Variants in PARG observed in about 807,000 individuals in gnomAD.
PARG encodes the protein poly(ADP-ribose) glycohydrolase, also known as mitochondrial poly(ADP-ribose) glycohydrolase.
In PARG, 35 loss-of-function variants were observed where a neutral mutation model predicts 113.0. The ratio of observed to expected loss-of-function variants is 0.31; its 90% CI spans 0.24 to 0.41. The LOEUF (loss-of-function observed/expected upper bound fraction) is 0.41. Among genes scored for constraint, PARG ranks in the 10% least tolerant of loss-of-function variants. The probability of loss-of-function intolerance (pLI) is 1.00; values close to 1 mark genes in which losing one functional copy is unlikely to be tolerated. For missense variants in PARG, 797 were observed against 1,169.4 expected, an observed-to-expected ratio of 0.68 and a Z score of 4.64; for synonymous variants, 330 against 409.9, an observed-to-expected ratio of 0.81 and a Z score of 2.36.
intron 4 of PARG, among the ~76,000 whole-genome samples, chr10:49,923,357 C>G (rs1353434909): frequency 6.6e-6 from 1 of 152,114 alleles, no homozygotes; most frequent in Non-Finnish European, 1.5e-5. Flanking sequence ...CTTCCTCTCC[C>G]TCACTAGATC....
Position 49,869,420 on chromosome 10 carries a change from G to A in PARG, c.2068+56C>T, listed in dbSNP as rs1477744056. ...ACAAAATGTTCCTCACATGTCACTTGACTTGAACTGTTCCCATCAGCAAGA... is the reference window on the plus strand; with the variant it reads ...ACAAAATGTTCCTCACATGTCACTTAACTTGAACTGTTCCCATCAGCAAGA... On this transcript the variant is annotated intron_variant, in intron 10 of 17. Transcript: ENST00000616448. 1.0e-4 allele frequency: 72 copies of A among 694,968 alleles called. No homozygotes were observed. The East Asian group carries it at 1.7e-3, about 16-fold the overall frequency. 43.1% of individuals were successfully genotyped at this position (694,968 alleles called of 1,614,324 possible).
intron 4 of PARG, among the ~76,000 whole-genome samples, chr10:49,922,906 T>C (rs1837961420): frequency 6.6e-6 from 1 of 152,128 alleles, no homozygotes. Context: ...TGCCTCAGCT[T>C]TTACTAAGTG....
chr10:49,893,974 A>G (rs1487803392), intron 7 of PARG, among the ~76,000 whole-genome samples: 5 of 152,090 alleles, frequency 3.3e-5, no homozygotes, highest in Admixed American at 1.3e-4. Flanking sequence ...CTGGGATTAC[A>G]AGTGTGAGCC....
chr10:49,858,673 T>C (rs1276920630), intron 12 of PARG, among the ~76,000 whole-genome samples: 1 of 139,062 alleles, frequency 7.2e-6, no homozygotes, highest in Non-Finnish European at 1.5e-5. Context: ...AGTTCTTCAA[T>C]TGAGCTACCA....
Position 49,933,659 on chromosome 10 carries a change from C to T in PARG, c.789G>A (p.Leu263=). The change falls in exon 3 of 18, where the codon TTG becomes TTA. Residue 263 remains leucine (L), a synonymous_variant. Transcript: ENST00000616448. The part of the protein sequence containing the change: ...DEIDVVPESP[L]SDVGSEDVGT... ...CAACATCCTCAGAGCCAACATCTGACAATGGACTCTCTGGCACCACATCTA... is the reference window on the plus strand; with the variant it reads ...CAACATCCTCAGAGCCAACATCTGATAATGGACTCTCTGGCACCACATCTA... 6.2e-7 allele frequency: 1 copy of T among 1,610,072 alleles called. No individual in the cohort carries two copies. The highest frequency in any genetic ancestry group is 1.1e-5 in the South Asian group (1 of 90,978).
At chr10:49,885,696 T>C (rs553281512) in intron 7 of PARG, among the ~76,000 whole-genome samples, 357 of 152,180 alleles carry the variant, frequency 2.3e-3, no homozygotes, top group African/African-American at 8.2e-3. Flanking sequence ...AGGACCCATC[T>C]AGTTTCAATG....
chr10:49,894,750 T>C (rs1158106971), intron 7 of PARG, among the ~76,000 whole-genome samples: 1 of 152,250 alleles, frequency 6.6e-6, no homozygotes, highest in East Asian at 1.9e-4. Flanking sequence ...GTTATGTCAG[T>C]ATCATATTGT....
intron 4 of PARG, among the ~76,000 whole-genome samples, chr10:49,928,391 A>T (rs1335621985): frequency 2.6e-5 from 4 of 152,224 alleles, no homozygotes; most frequent in Admixed American, 6.5e-5. Flanking sequence ...ATAAAACAGC[A>T]TAGGTACCAG....
chr10:49,894,553 G>T (rs1224519988), intron 7 of PARG, among the ~76,000 whole-genome samples: 1 of 152,034 alleles, frequency 6.6e-6, no homozygotes, highest in Non-Finnish European at 1.5e-5. Context: ...TCTATGTATA[G>T]TATGTGGGAA....
chr10:49,892,602 G>A (rs573855585), intron 7 of PARG, among the ~76,000 whole-genome samples: 6 of 152,220 alleles, frequency 3.9e-5, no homozygotes, highest in African/African-American at 1.4e-4. Context: ...TCAAAAATAT[G>A]GTGAAGTTAA....
At position 49,941,765 on chromosome 10, in the gene PARG, CG is replaced by C. The variant is rs1226534832; in HGVS notation, c.-41del. ...CGCACTGTCCCCGGGCCGGCCCGGG[CG>C]GAGAGCCTCATTCACTAACCCTGAG... is the stretch of plus-strand genomic sequence containing the variant. On this transcript the variant is annotated 5_prime_UTR_variant, in exon 1 of 18. Transcript: ENST00000616448. 2.6e-6 allele frequency: 4 copies of C among 1,543,592 alleles called. No individual in the cohort carries two copies. The Admixed American group carries it at 7.8e-5, about 30-fold the overall frequency.
At chr10:49,911,355 A>T (rs571932372) in intron 7 of PARG, among the ~76,000 whole-genome samples, 23 of 152,306 alleles carry the variant, frequency 1.5e-4, no homozygotes, top group Non-Finnish European at 3.1e-4. Context: ...TATAACATAT[A>T]GAACATTTTG....
intron 7 of PARG, among the ~76,000 whole-genome samples, chr10:49,891,634 T>A (rs1186019475): frequency 2.4e-5 from 3 of 127,414 alleles, no homozygotes; most frequent in East Asian, 2.2e-4. Flanking sequence ...TTTTTTTTTT[T>A]TTTTTTTTTT....
intron 7 of PARG, among the ~76,000 whole-genome samples, chr10:49,891,624 T>TATATATATATATA (rs1491390977): frequency 4.6e-5 from 2 of 43,370 alleles, no homozygotes; most frequent in African/African-American, 1.1e-4. Flanking sequence ...TATATATATA[T>TATATATATATATA]TTTTTTTTTT....
chr10:49,864,227 C>T (rs1156383360), intron 11 of PARG, among the ~76,000 whole-genome samples: 3 of 152,232 alleles, frequency 2.0e-5, no homozygotes, highest in South Asian at 4.1e-4. Context: ...TGCCATGATG[C>T]CAAAATGCTG....
chr10:49,883,536 T>C (rs568685556), intron 8 of PARG, among the ~76,000 whole-genome samples: 1 of 148,202 alleles, frequency 6.7e-6, no homozygotes, highest in African/African-American at 2.5e-5. Flanking sequence ...CGGTGGCTCA[T>C]GCCTGTAATT....
chr10:49,913,828 G>A (rs1443130448), intron 7 of PARG, among the ~76,000 whole-genome samples: 3 of 152,082 alleles, frequency 2.0e-5, no homozygotes, highest in Non-Finnish European at 4.4e-5. Flanking sequence ...GCTTGAACCC[G>A]CGAGGCAGAA....
chr10:49,938,367 C>A (rs1838847306), intron 1 of PARG, among the ~76,000 whole-genome samples: 1 of 152,032 alleles, frequency 6.6e-6, no homozygotes, highest in Admixed American at 6.5e-5. Context: ...GACTTCACAC[C>A]ATTTACATTT....
chr10:49,833,566 G>C (rs1844773737), intron 15 of PARG, among the ~76,000 whole-genome samples: 1 of 152,152 alleles, frequency 6.6e-6, no homozygotes, highest in South Asian at 2.1e-4. Context: ...AAACTTGCCA[G>C]TAATGTGAGA....
Sources: gnomAD v4.1 joint callset for allele counts (sites outside exome capture counted in the v4.1 genomes callset) on GRCh38, gnomAD v4.1.1 for gene constraint, MANE v1.5 for transcripts, NCBI Gene and HGNC (gene_info 2026-07-23, HGNC 2026-07-21) for gene names.